SIK3: variants seen among roughly 807,000 people sequenced by gnomAD.
SIK3 encodes the protein SIK family kinase 3.
In SIK3, 28 loss-of-function variants were observed where a neutral mutation model predicts 144.2. The ratio of observed to expected loss-of-function variants is 0.19; its 90% CI spans 0.14 to 0.27. The LOEUF (loss-of-function observed/expected upper bound fraction) is 0.27. SIK3 is among the 10% of genes least tolerant of loss of function. The probability of loss-of-function intolerance (pLI) is 1.00; values close to 1 mark genes in which losing one functional copy is unlikely to be tolerated. For synonymous variants in SIK3, 686 were observed against 676.3 expected (o/e 1.01, Z -0.22); for missense variants, 1,319 against 1,776.0 (o/e 0.74, Z 4.62).
At chr11:116,917,827 G>GAAGGAAAGGAAGGGAAAGGA in intron 4 of SIK3, among the ~76,000 whole-genome samples, 1 of 104,952 alleles carries the variant, frequency 9.5e-6, no homozygotes, top group Non-Finnish European at 1.8e-5. Context: ...GAAGAAGAAG[G>GAAGGAAAGGAAGGGAAAGGA]AAGGAAAGGA....
chr11:116,881,842 T>C (rs634044), intron 6 of SIK3, among the ~76,000 whole-genome samples: 22,979 of 152,264 alleles, frequency 0.15, 2,307 homozygotes, highest in Middle Eastern at 0.22. Context: ...TTTAAGTTAA[T>C]TTAAGCATCT....
intron 21 of SIK3, among the ~76,000 whole-genome samples, chr11:116,856,741 C>A (rs1259169021): frequency 6.6e-6 from 1 of 152,212 alleles, no homozygotes; most frequent in Non-Finnish European, 1.5e-5. Context: ...AACCTGGCAC[C>A]ACCAAGGCGT....
intron 1 of SIK3, among the ~76,000 whole-genome samples, chr11:117,085,994 T>C (rs73576662): frequency 0.02 from 3,065 of 152,292 alleles, 109 homozygotes; most frequent in African/African-American, 0.069. Context: ...TGCATGAATA[T>C]ATATTTCTGA....
Position 116,875,223 on chromosome 11 carries a change from A to G in SIK3, c.1362T>C (p.Pro454=). The G allele has an allele frequency of 1.2e-6, 2 of 1,614,208 alleles. No homozygotes were observed. Among genetic ancestry groups the G allele is most frequent in the Non-Finnish European group, 1.7e-6 (2 of 1,180,040 alleles). ...AATAGCGCACCAATGCTTCAGGGGA[A>G]GGCTCTTCACCCTCATCACTGTCCA... The part of the protein sequence containing the change: ...LNLDSDEGEE[P]SPEALVRYLS... Residue 454 remains proline (P), a synonymous_variant, in exon 11 of 25, where the codon CCT becomes CCC. Coordinates refer to ENST00000445177, the MANE Select transcript of SIK3 (RefSeq NM_001366686.3).
chr11:117,081,671 C>T (rs1048567144), intron 1 of SIK3, among the ~76,000 whole-genome samples: 3 of 152,106 alleles, frequency 2.0e-5, no homozygotes, highest in Non-Finnish European at 4.4e-5. Flanking sequence ...GGCTAGAAAA[C>T]GTCCCGGGAA....
chr11:117,098,376 C>T lies in SIK3; in HGVS notation c.40G>A (p.Gly14Arg). Residue 14 changes from glycine (G) to arginine (R), a missense_variant, in exon 1 of 25, where the codon GGG becomes AGG. Physicochemically the swap from Gly to Arg is moderately radical, Grantham distance 125. Around this residue, in one of 8 missense-constraint regions of SIK3, gnomAD observed 114 missense variants for 116.2 expected, o/e 0.98. Coordinates refer to ENST00000445177, the MANE Select transcript of SIK3 (RefSeq NM_001366686.3). The part of the protein sequence containing the change: ...AAASGAGGAA[G>R]AGTGGAGPAG... ...GGCCCGGCTCCCCCAGTCCCGGCCC[C>T]GGCAGCCCCGCCAGCTCCGCTCGCC... The T allele has an allele frequency of 8.5e-7, 1 of 1,171,280 alleles. No homozygotes were observed. Among genetic ancestry groups the T allele is most frequent in the Non-Finnish European group, 1.1e-6 (1 of 950,908 alleles). The allele number at this position is 1,171,280 out of a possible 1,614,324, so 72.6% of individuals were successfully genotyped here.
chr11:116,874,147 T>C, intron 11 of SIK3, 91 bp from the exon 12 acceptor site: 1 of 1,238,630 alleles, frequency 8.1e-7, no homozygotes, highest in Non-Finnish European at 1.1e-6. Flanking sequence ...CTATGTTCAG[T>C]ACAACTTATT....
chr11:117,029,796 A>C (rs1413772091), intron 1 of SIK3, among the ~76,000 whole-genome samples: 1 of 151,998 alleles, frequency 6.6e-6, no homozygotes, highest in East Asian at 1.9e-4. Flanking sequence ...GTTTTGGATA[A>C]GGGAGTTACA....
At chr11:117,021,928 CAAAAAAAAAA>C (rs71037444) in intron 1 of SIK3, among the ~76,000 whole-genome samples, 39 of 58,994 alleles carry the variant, frequency 6.6e-4, no homozygotes, top group African/African-American at 1.4e-3. Context: ...TCTGTCTCTA[CAAAAAAAAAA>C]AAAAAAAAAA....
intron 1 of SIK3, among the ~76,000 whole-genome samples, chr11:117,060,326 G>C (rs4938334): frequency 0.46 from 69,278 of 152,062 alleles, 19,157 homozygotes; most frequent in Non-Finnish European, 0.64. Flanking sequence ...GCCAGGCGAG[G>C]TGGCTCATGC....
chr11:117,091,606 T>A (rs1955251747), intron 1 of SIK3, among the ~76,000 whole-genome samples: 1 of 152,162 alleles, frequency 6.6e-6, no homozygotes, highest in South Asian at 2.1e-4. Context: ...GCCCAATAAA[T>A]CAACAAATAC....
At chr11:116,926,361 T>C (rs1380229313) in intron 4 of SIK3, among the ~76,000 whole-genome samples, 2 of 152,176 alleles carry the variant, frequency 1.3e-5, no homozygotes, top group Non-Finnish European at 2.9e-5. Context: ...ATGCTGATAG[T>C]TTACTAAAAT....
rs61499870 is a variant in SIK3 at position 117,026,718 on chromosome 11, CA to C, written c.274-69655del. On this transcript the variant is annotated intron_variant, in intron 1 of 24. Coordinates refer to ENST00000445177, the MANE Select transcript of SIK3 (RefSeq NM_001366686.3). ...TGACTGAATGGGCATACCTCTGCCA[CA>C]AGCCTTACGTGGACAATGAAGAGAA... Among the ~76,000 whole-genome samples, 296 of 152,322 alleles carry C rather than the reference CA, an allele frequency of 1.9e-3. 1 individual carries two copies. The highest frequency in any genetic ancestry group is 6.8e-3 in the Middle Eastern group (2 of 294).
At chr11:116,985,271 A>G (rs536681011) in intron 1 of SIK3, among the ~76,000 whole-genome samples, 2 of 152,302 alleles carry the variant, frequency 1.3e-5, no homozygotes, top group Admixed American at 1.3e-4. Context: ...TCTGACATAC[A>G]CAGATTTGGG....
At chr11:116,917,860 G>C (rs531483226) in intron 4 of SIK3, among the ~76,000 whole-genome samples, 1 of 151,196 alleles carries the variant, frequency 6.6e-6, no homozygotes, top group Non-Finnish European at 1.5e-5. Context: ...GGAAAGGAAA[G>C]GAAAGGAAAG....
intron 1 of SIK3, among the ~76,000 whole-genome samples, chr11:117,091,622 A>G (rs952449165): frequency 6.6e-6 from 1 of 152,198 alleles, no homozygotes; most frequent in African/African-American, 2.4e-5. Context: ...AATACTTGTT[A>G]GTTGATCATG....
intron 12 of SIK3, 115 bp from the exon 13 acceptor site, chr11:116,873,751 A>G: frequency 6.8e-7 from 1 of 1,465,974 alleles, no homozygotes; most frequent in Non-Finnish European, 9.2e-7. Context: ...CAGAGACTAG[A>G]GGACGCTTCC....
chr11:117,079,388 G>C (rs143747387), intron 1 of SIK3, among the ~76,000 whole-genome samples: 1 of 152,288 alleles, frequency 6.6e-6, no homozygotes, highest in Non-Finnish European at 1.5e-5. Flanking sequence ...GGAGAAGCTA[G>C]AGACCTGGAG....
At chr11:116,929,048 T>TAA (rs1565463030) in intron 3 of SIK3, among the ~76,000 whole-genome samples, 4 of 152,144 alleles carry the variant, frequency 2.6e-5, no homozygotes, top group African/African-American at 9.7e-5. Flanking sequence ...AGGCTTCCGG[T>TAA]GAGGTCTGCT....
Sources: allele counts gnomAD v4.1 joint callset (sites outside exome capture counted in the v4.1 genomes callset), GRCh38; gene constraint gnomAD v4.1.1; regional missense constraint gnomAD v4.1.1; transcripts MANE v1.5; gene names NCBI Gene and HGNC (gene_info 2026-07-23, HGNC 2026-07-21).